TAF4B: variants seen among roughly 807,000 people sequenced by gnomAD.
The protein encoded by TAF4B is transcription initiation factor TFIID subunit 4B.
A neutral mutation model predicts 86.4 loss-of-function variants in TAF4B; 38 were observed. The ratio of observed to expected loss-of-function variants is 0.44; its 90% CI spans 0.34 to 0.58. The LOEUF is 0.58. Among genes scored for constraint, TAF4B ranks in the 20% least tolerant of loss-of-function variants. The pLI, the probability that TAF4B is intolerant of heterozygous loss-of-function variation, is 0.02. For synonymous variants in TAF4B, 388 were observed against 391.2 expected (o/e 0.99, Z 0.10); for missense variants, 988 against 1,027.6 (o/e 0.96, Z 0.53).
intron 13 of TAF4B, among the ~76,000 whole-genome samples, chr18:26,357,248 TAAGA>T (rs1567920027): frequency 4.6e-5 from 7 of 152,340 alleles, no homozygotes; most frequent in Admixed American, 3.9e-4. Flanking sequence ...TTGTGAGAAT[TAAGA>T]AAGTGCTTTG....
chr18:26,374,366 T>G (rs748327857), intron 14 of TAF4B, among the ~76,000 whole-genome samples: 2 of 152,202 alleles, frequency 1.3e-5, no homozygotes, highest in Non-Finnish European at 2.9e-5. Context: ...CTTCTATAAT[T>G]TAGAGTACTA....
rs140708261 is a variant in TAF4B, at chr18:26,374,355, T to G, written c.2422-15490T>G. ...TTTTGAAACACTCCGTCTGCCTGCT[T>G]CTTCTATAATTTAGAGTACTATTAC... On this transcript the variant is annotated intron_variant, in intron 14 of 14. Coordinates refer to ENST00000269142, the MANE Select transcript of TAF4B (RefSeq NM_005640.3). 2.6e-3 allele frequency among the ~76,000 whole-genome samples: 398 copies of G among 152,314 alleles called. 2 individuals carry two copies. Among genetic ancestry groups the G allele is most frequent in the Non-Finnish European group, 4.5e-3 (307 of 68,022 alleles).
chr18:26,279,102 T>A (rs1403884664), intron 5 of TAF4B, among the ~76,000 whole-genome samples: 9 of 152,136 alleles, frequency 5.9e-5, no homozygotes, highest in African/African-American at 1.9e-4. Flanking sequence ...TCACTGATGA[T>A]ATGATTCTAT....
In TAF4B at chr18:26,389,912, C is replaced by G. The variant is rs1316771484; in HGVS notation, c.2489C>G (p.Pro830Arg). Residue 830 changes from proline to arginine, a missense_variant, in exon 15 of 15, where the codon CCA becomes CGA. Pro to Arg is a moderately radical substitution (Grantham distance 103, BLOSUM62 -2). Coordinates refer to ENST00000269142, the MANE Select transcript of TAF4B (RefSeq NM_005640.3). ...ACAGCCACCAAACAGTTGCATCGTC[C>G]AAGAATCACGAGAATCTGCCTCAGG... ...SLTATKQLHR[P>R]RITRICLRDL... is the part of the protein sequence containing the mutation. 4 of 1,614,094 alleles carry G rather than the reference C, an allele frequency of 2.5e-6. No individual in the cohort carries two copies. In the Admixed American group the frequency reaches 6.7e-5, roughly 27 times the overall value.
intron 7 of TAF4B, among the ~76,000 whole-genome samples, 194 bp downstream of exon 7, chr18:26,286,693 C>A (rs1481363935): frequency 1.3e-5 from 2 of 151,146 alleles, no homozygotes; most frequent in East Asian, 3.9e-4. Context: ...CATATAAGTC[C>A]TTTTTTTAAA....
At chr18:26,272,258 A>T (rs1483462257) in intron 3 of TAF4B, among the ~76,000 whole-genome samples, 1 of 152,200 alleles carries the variant, frequency 6.6e-6, no homozygotes, top group Non-Finnish European at 1.5e-5. Flanking sequence ...AATCACCTGC[A>T]TGTGCAGTTC....
At chr18:26,304,952 C>A in intron 9 of TAF4B, 1 of 814,770 alleles carries the variant, frequency 1.2e-6, no homozygotes, top group Non-Finnish European at 1.5e-6. Flanking sequence ...GACTTATGTA[C>A]ATATGCTGGA....
intron 1 of TAF4B, among the ~76,000 whole-genome samples, chr18:26,251,073 A>C (rs1023590046): frequency 2.0e-5 from 3 of 152,220 alleles, no homozygotes; most frequent in Admixed American, 2.0e-4. Flanking sequence ...GAGGAAGGAA[A>C]CAACTTAGCG....
At position 26,321,205 on chromosome 18, in the gene TAF4B, A is replaced by ATAACCTT. The variant is rs2056959646; in HGVS notation, c.2133+5_2133+6insTAACCTT. The ATAACCTT allele has an allele frequency of 6.2e-7, 1 of 1,613,398 alleles. No homozygotes were observed. Among genetic ancestry groups the ATAACCTT allele is most frequent in the African/African-American group, 1.3e-5 (1 of 74,930 alleles). ...CATCGAATGACTACTTACAAGGTAA[A>ATAACCTT]GGAAATCATTAAAGAAGTATAAACT... is the stretch of plus-strand genomic sequence containing the variant. On this transcript the variant is annotated splice_donor_region_variant and intron_variant, in intron 11 of 14. Coordinates refer to ENST00000269142, the MANE Select transcript of TAF4B (RefSeq NM_005640.3).
intron 12 of TAF4B, among the ~76,000 whole-genome samples, chr18:26,334,899 A>G (rs963462216): frequency 3.9e-5 from 6 of 152,088 alleles, no homozygotes; most frequent in South Asian, 2.1e-4. Flanking sequence ...CAGTGTTCCT[A>G]CAAGAACAAC....
chr18:26,322,461 A>ATCTTT (rs1156823329), intron 11 of TAF4B, among the ~76,000 whole-genome samples: 1 of 152,102 alleles, frequency 6.6e-6, no homozygotes, highest in African/African-American at 2.4e-5. Flanking sequence ...CACAAAAATA[A>ATCTTT]ATAAAGATAT....
intron 10 of TAF4B, among the ~76,000 whole-genome samples, chr18:26,319,150 C>T (rs2056938229): frequency 6.6e-6 from 1 of 152,100 alleles, no homozygotes; most frequent in Admixed American, 6.6e-5. Context: ...GCTATGATTG[C>T]TCCACTGCAT....
chr18:26,254,178 T>C (rs2056047827), intron 1 of TAF4B, among the ~76,000 whole-genome samples: 1 of 152,050 alleles, frequency 6.6e-6, no homozygotes, highest in Non-Finnish European at 1.5e-5. Context: ...TCTACCTACG[T>C]TGGCCTCCCA....
At chr18:26,336,637 A>G (rs1423277485) in intron 13 of TAF4B, among the ~76,000 whole-genome samples, 2 of 152,214 alleles carry the variant, frequency 1.3e-5, no homozygotes, top group East Asian at 3.8e-4. Context: ...ATCTAAAATT[A>G]TTAGTATGAG....
At chr18:26,355,791 T>TA (rs886578394) in intron 13 of TAF4B, among the ~76,000 whole-genome samples, 2 of 152,224 alleles carry the variant, frequency 1.3e-5, no homozygotes, top group African/African-American at 4.8e-5. Context: ...GTAGATTAAC[T>TA]AAAATCATTA....
At chr18:26,246,965 A>C (rs1223544412) in intron 1 of TAF4B, among the ~76,000 whole-genome samples, 2 of 151,996 alleles carry the variant, frequency 1.3e-5, no homozygotes, top group East Asian at 3.8e-4. Context: ...ACCTGGGTTC[A>C]AGCGATTCTC....
In TAF4B at chr18:26,267,550, TGAC is replaced by T. The variant is rs758624469; in HGVS notation, c.525_527del (p.Thr176del). The stretch of plus-strand genomic sequence containing the variant: ...TCACAATTAATCAAGAAAGTGGCAG[TGAC>T]ACCTGTTAAAAAATTGGCACAAATA... On this transcript the variant is annotated inframe_deletion, in exon 3 of 15. Coordinates refer to ENST00000269142, the MANE Select transcript of TAF4B (RefSeq NM_005640.3). 2 of 1,614,172 alleles carry T rather than the reference TGAC, an allele frequency of 1.2e-6. No homozygotes were observed. Among genetic ancestry groups the T allele is most frequent in the South Asian group, 2.2e-5 (2 of 91,080 alleles).
intron 10 of TAF4B, among the ~76,000 whole-genome samples, chr18:26,318,336 T>C (rs35576653): frequency 0.35 from 53,125 of 151,656 alleles, 11,490 homozygotes; most frequent in East Asian, 0.81. Flanking sequence ...TCAAGAATTC[T>C]TACTTCTGAA....
chr18:26,328,226 G>A (rs532307807), intron 12 of TAF4B, among the ~76,000 whole-genome samples: 7 of 152,222 alleles, frequency 4.6e-5, no homozygotes, highest in East Asian at 3.9e-4. Context: ...TGAGGTGGGC[G>A]GATCACGAGG....
Sources: allele counts gnomAD v4.1 joint callset (sites outside exome capture counted in the v4.1 genomes callset), GRCh38; gene constraint gnomAD v4.1.1; transcripts MANE v1.5; gene names NCBI Gene and HGNC (gene_info 2026-07-23, HGNC 2026-07-21).